GEN1: variants seen among roughly 807,000 people sequenced by gnomAD.
GEN1 encodes the protein flap endonuclease GEN homolog 1.
A neutral mutation model predicts 67.6 loss-of-function variants in GEN1; 64 were observed. The observed-to-expected ratio is 0.95, with a 90% CI of 0.77 to 1.17. The LOEUF is 1.17. GEN1 is among the 50% of genes most tolerant of loss of function. The pLI is 0.00. For synonymous variants in GEN1, 371 were observed against 359.4 expected (o/e 1.03, Z -0.37); for missense variants, 1,058 against 1,048.3 (o/e 1.01, Z -0.13).
chr2:17,779,933 T>TG, intron 12 of GEN1, 45 bp from the exon 13 acceptor site: 1 of 1,527,178 alleles, frequency 6.5e-7, no homozygotes, highest in Non-Finnish European at 9.0e-7. Context: ...TGAATTTTTT[T>TG]AAATGCCTAA....
In GEN1 at chr2:17,778,289, CAT is replaced by C. The variant is rs1491431248; in HGVS notation, c.1264+227_1264+228del. 6.2e-3 allele frequency among the ~76,000 whole-genome samples: 563 copies of C among 90,394 alleles called. 152 individuals are homozygous for C. Among genetic ancestry groups the C allele is most frequent in the African/African-American group, 4.9e-3 (84 of 17,002 alleles). The allele number at this position is 90,394 out of a possible 152,430, so 59.3% of individuals were successfully genotyped here. A position where few individuals can be genotyped will look rare whatever the true frequency, so the allele number is the denominator to read the frequency against. On this transcript the variant is annotated intron_variant, in intron 12 of 13. Coordinates refer to ENST00000381254, the MANE Select transcript of GEN1 (RefSeq NM_001130009.3). Reference sequence around the variant, plus strand: ...GTGTACATATATGTATATACACACACATGTGTGTGTACATATATGTATATACA... The same window carrying C: ...GTGTACATATATGTATATACACACACGTGTGTGTACATATATGTATATACA...
rs1673071071 is a variant in GEN1, at chr2:17,786,706, A to G, written c.*4767A>G. ...TCAAATATCACCTCAGAGAGTCCTA[A>G]TCTTTTTATCTCCTGACATTATAAA... On this transcript the variant is annotated 3_prime_UTR_variant, in exon 14 of 14. Coordinates refer to ENST00000381254, the MANE Select transcript of GEN1 (RefSeq NM_001130009.3). The G allele has an allele frequency of 6.6e-6, 1 of 151,952 alleles. No individual in the cohort carries two copies. The highest frequency in any genetic ancestry group is 6.6e-5 in the Admixed American group (1 of 15,256). The allele number at this position is 151,952 out of a possible 1,614,324, so 9.4% of individuals were successfully genotyped here.
rs1329554991 is a variant in GEN1, at chr2:17,773,082, A to C, written c.954-14A>C. ...CTGATTATAGTAATAACATGTATAT[A>C]ATTTTTTTTTCAGGAAAGCTTGCTG... On this transcript the variant is annotated splice_polypyrimidine_tract_variant and intron_variant, in intron 8 of 13. Coordinates refer to ENST00000381254, the MANE Select transcript of GEN1 (RefSeq NM_001130009.3). 2 of 1,535,940 alleles carry C rather than the reference A, an allele frequency of 1.3e-6. No individual in the cohort carries two copies. Among genetic ancestry groups the C allele is most frequent in the Non-Finnish European group, 1.8e-6 (2 of 1,112,904 alleles).
At chr2:17,754,757 T>C (rs1671325148) in intron 1 of GEN1, 1 of 152,268 alleles carries the variant, frequency 6.6e-6, no homozygotes, top group African/African-American at 2.4e-5. Context: ...AGTTCTGTTA[T>C]AGTAATTACT....
rs1326973443 is a variant in GEN1, at chr2:17,774,419, A to G, written c.1202+18A>G. 1 of 1,564,876 alleles carries G rather than the reference A, an allele frequency of 6.4e-7. No individual in the cohort carries two copies. Among genetic ancestry groups the G allele is most frequent in the Non-Finnish European group, 8.6e-7 (1 of 1,157,454 alleles). ...CCAATTCGGTAATGTAAAGAACTGT[A>G]TGGTGAAGGTGGTGTTTTTACTTGA... On this transcript the variant is annotated intron_variant, in intron 11 of 13. Coordinates refer to ENST00000381254, the MANE Select transcript of GEN1 (RefSeq NM_001130009.3).
In GEN1 at chr2:17,788,061, CT is replaced by C; in HGVS notation, c.*6125del. On this transcript the variant is annotated 3_prime_UTR_variant, in exon 14 of 14. Transcript: ENST00000381254. ...GTGGATTAGCTTGATACCTAGTCGC[CT>C]TTAGCCACTTCAAGACGCCCTGCCA... is the stretch of plus-strand genomic sequence containing the variant. 1 of 152,326 alleles carries C rather than the reference CT, an allele frequency of 6.6e-6. No individual in the cohort carries two copies. The highest frequency in any genetic ancestry group is 1.5e-5 in the Non-Finnish European group (1 of 68,042). The allele number at this position is 152,326 out of a possible 1,614,324, so 9.4% of individuals were successfully genotyped here. A position where few individuals can be genotyped will look rare whatever the true frequency, so the allele number is the denominator to read the frequency against.
At position 17,774,262 on chromosome 2, in the gene GEN1, T is replaced by C. The variant is rs1209171066; in HGVS notation, c.1072-9T>C. The C allele has an allele frequency of 6.8e-7, 1 of 1,466,308 alleles. No homozygotes were observed. The highest frequency in any genetic ancestry group is 1.4e-5 in the African/African-American group (1 of 69,758). The allele number at this position is 1,466,308 out of a possible 1,614,324, so 90.8% of individuals were successfully genotyped here. A position where few individuals can be genotyped will look rare whatever the true frequency, so the allele number is the denominator to read the frequency against. On this transcript the variant is annotated splice_polypyrimidine_tract_variant and intron_variant, in intron 10 of 13. Coordinates refer to ENST00000381254, the MANE Select transcript of GEN1 (RefSeq NM_001130009.3). ...ACAAAATCTTGTTTTATTTTTATTA[T>C]ATTTATAGAGATTTACTCTTGAAAA... is the stretch of plus-strand genomic sequence containing the variant.
At chr2:17,758,971 A>G (rs779047751) in intron 1 of GEN1, among the ~76,000 whole-genome samples, 1 of 152,214 alleles carries the variant, frequency 6.6e-6, no homozygotes, top group Non-Finnish European at 1.5e-5. Flanking sequence ...TTTTCTTTGC[A>G]CCCATGGGCA....
chr2:17,780,565 C>T, intron 13 of GEN1, 56 bp from the exon 14 acceptor site: 1 of 1,183,168 alleles, frequency 8.5e-7, no homozygotes, highest in Non-Finnish European at 1.2e-6. Flanking sequence ...TTATTTTTTA[C>T]CCAAGTTAAA....
At chr2:17,769,592 A>G (rs887334258) in intron 6 of GEN1, among the ~76,000 whole-genome samples, 3 of 152,200 alleles carry the variant, frequency 2.0e-5, no homozygotes, top group Non-Finnish European at 4.4e-5. Context: ...GGCGTGTTGT[A>G]AATATTTAAT....
At chr2:17,756,814 TTCTA>T (rs879268996) in intron 1 of GEN1, among the ~76,000 whole-genome samples, 12 of 152,354 alleles carry the variant, frequency 7.9e-5, no homozygotes, top group Non-Finnish European at 1.3e-4. Context: ...GAACCATCTG[TTCTA>T]TCTTTCAGTG....
rs1033132910 is a variant in GEN1, at chr2:17,786,344, G to A, written c.*4405G>A. 6.6e-6 allele frequency: 1 copy of A among 152,192 alleles called. No individual in the cohort carries two copies. Among genetic ancestry groups the A allele is most frequent in the African/African-American group, 2.4e-5 (1 of 41,448 alleles). The allele number at this position is 152,192 out of a possible 1,614,324, so 9.4% of individuals were successfully genotyped here. On this transcript the variant is annotated 3_prime_UTR_variant, in exon 14 of 14. Coordinates refer to ENST00000381254, the MANE Select transcript of GEN1 (RefSeq NM_001130009.3). ...ACTAGTAGGGGGCAGTGTGAGGGTG[G>A]GAGATGTGTTTTCAGAAGAAGGAAA...
At chr2:17,755,665 T>G (rs1671400065) in intron 1 of GEN1, 1 of 152,220 alleles carries the variant, frequency 6.6e-6, no homozygotes, top group Admixed American at 6.5e-5. Flanking sequence ...AATTTAAGCA[T>G]TTTCTGCTTT....
intron 5 of GEN1, among the ~76,000 whole-genome samples, chr2:17,767,464 C>T (rs1671983523): frequency 6.6e-6 from 1 of 152,016 alleles, no homozygotes; most frequent in African/African-American, 2.4e-5. Flanking sequence ...GAAAATATAG[C>T]AGGGTAATAA....
rs1187844981 is a variant in GEN1 at position 17,772,645 on chromosome 2, G to A, written c.814G>A (p.Asp272Asn). The change falls in exon 8 of 14, where the codon GAT becomes AAT. Residue 272 changes from aspartate to asparagine, a missense_variant. Transcript: ENST00000381254. Reference sequence around the variant, plus strand: ...GGGTCTCCATAAAGGTTCACCTAAGGATCATGAACGTAATGGATGCAGATT... The same window carrying A: ...GGGTCTCCATAAAGGTTCACCTAAGAATCATGAACGTAATGGATGCAGATT... ...SVCSHPGSPK[D>N]HERNGCRLCK... is the part of the protein sequence containing the mutation. 6.2e-7 allele frequency: 1 copy of A among 1,609,592 alleles called. No homozygotes were observed.
rs749210043 is a variant in GEN1 at position 17,785,262 on chromosome 2, C to A, written c.*3323C>A. ...GCATAAGTGTAAAATTATAGTTCCT[C>A]CTCCTCAAGGATTTCTCTGTTTTCA... is the stretch of plus-strand genomic sequence containing the variant. On this transcript the variant is annotated 3_prime_UTR_variant, in exon 14 of 14. Coordinates refer to ENST00000381254, the MANE Select transcript of GEN1 (RefSeq NM_001130009.3). 6.6e-6 allele frequency: 1 copy of A among 152,218 alleles called. No homozygotes were observed. The highest frequency in any genetic ancestry group is 1.5e-5 in the Non-Finnish European group (1 of 68,058). 9.4% of individuals were successfully genotyped at this position (152,218 alleles called of 1,614,324 possible). A position where few individuals can be genotyped will look rare whatever the true frequency, so the allele number is the denominator to read the frequency against.
chr2:17,787,966 T>A lies in GEN1; in HGVS notation c.*6027T>A, dbSNP rs1186295931. ...AAGTGTTCAGTGAATGGGTGCTGATTGACTGATGGTGATTTCAGTCAGGGT... is the reference window on the plus strand; with the variant it reads ...AAGTGTTCAGTGAATGGGTGCTGATAGACTGATGGTGATTTCAGTCAGGGT... On this transcript the variant is annotated 3_prime_UTR_variant, in exon 14 of 14. Coordinates refer to ENST00000381254, the MANE Select transcript of GEN1 (RefSeq NM_001130009.3). The A allele has an allele frequency of 2.0e-5, 3 of 152,254 alleles. No homozygotes were observed. Among genetic ancestry groups the A allele is most frequent in the African/African-American group, 7.2e-5 (3 of 41,454 alleles). The allele number at this position is 152,254 out of a possible 1,614,324, so 9.4% of individuals were successfully genotyped here. A position where few individuals can be genotyped will look rare whatever the true frequency, so the allele number is the denominator to read the frequency against.
In GEN1 at chr2:17,785,582, T is replaced by C. The variant is rs973456118; in HGVS notation, c.*3643T>C. On this transcript the variant is annotated 3_prime_UTR_variant, in exon 14 of 14. Coordinates refer to ENST00000381254, the MANE Select transcript of GEN1 (RefSeq NM_001130009.3). ...TCTTAAGTCCTTGGCGGTTTTTCTT[T>C]TAGATTTTTTTCCATATAAAATCTC... 1 of 85,736 alleles carries C rather than the reference T, an allele frequency of 1.2e-5. No homozygotes were observed. The highest frequency in any genetic ancestry group is 2.4e-5 in the Non-Finnish European group (1 of 41,394). The allele number at this position is 85,736 out of a possible 1,614,324, so 5.3% of individuals were successfully genotyped here.
At chr2:17,762,735 TG>T (rs1671746915) in intron 3 of GEN1, among the ~76,000 whole-genome samples, 1 of 152,222 alleles carries the variant, frequency 6.6e-6, no homozygotes, top group South Asian at 2.1e-4. Flanking sequence ...TACATGGAAG[TG>T]TGATTAACAT....
Sources: gnomAD v4.1 joint callset for allele counts (sites outside exome capture counted in the v4.1 genomes callset) on GRCh38, gnomAD v4.1.1 for gene constraint, MANE v1.5 for transcripts, NCBI Gene and HGNC (gene_info 2026-07-23, HGNC 2026-07-21) for gene names.